GRIK2: variants seen among roughly 807,000 people sequenced by gnomAD.
GRIK2 encodes glutamate receptor ionotropic, kainate 2.
In GRIK2, 32 loss-of-function variants were observed where a neutral mutation model predicts 100.3. That is an observed-to-expected ratio of 0.32 (90% CI 0.24 to 0.43). The LOEUF (loss-of-function observed/expected upper bound fraction) is 0.43, where lower values mean the gene tolerates loss of function less well. Ranked by LOEUF, GRIK2 falls within the 20% of genes least tolerant of loss-of-function variation. GRIK2 has a pLI of 1.00. For missense variants in GRIK2, 843 were observed against 1,114.9 expected, an observed-to-expected ratio of 0.76 and a Z score of 3.47; for synonymous variants, 417 against 389.4, an observed-to-expected ratio of 1.07 and a Z score of -0.83.
intron 11 of GRIK2, among the ~76,000 whole-genome samples, chr6:101,871,727 A>C (rs557427837): frequency 6.9e-4 from 105 of 152,126 alleles, no homozygotes; most frequent in African/African-American, 2.5e-3. Context: ...TTTTATGGCT[A>C]CGTAGAGTTC....
intron 9 of GRIK2, among the ~76,000 whole-genome samples, chr6:101,817,753 C>T (rs1439718904): frequency 1.3e-5 from 2 of 152,128 alleles, no homozygotes; most frequent in Admixed American, 1.3e-4. Flanking sequence ...TTAAATGGAT[C>T]ACAGAAGAAA....
chr6:101,723,379 C>T (rs1305149091), intron 7 of GRIK2, among the ~76,000 whole-genome samples: 1 of 151,924 alleles, frequency 6.6e-6, no homozygotes, highest in African/African-American at 2.4e-5. Flanking sequence ...GACAAGTTTT[C>T]CACTGTAGCA....
chr6:102,024,927 T>C (rs1236013649), intron 14 of GRIK2, among the ~76,000 whole-genome samples: 3 of 148,338 alleles, frequency 2.0e-5, no homozygotes, highest in African/African-American at 7.3e-5. Flanking sequence ...TGTGCCATGA[T>C]ATATATATAT....
intron 7 of GRIK2, among the ~76,000 whole-genome samples, chr6:101,707,117 A>G (rs562280524): frequency 6.6e-4 from 100 of 151,968 alleles, no homozygotes; most frequent in African/African-American, 2.4e-3. Context: ...AAAAGCAACA[A>G]CAAAAACCTT....
intron 4 of GRIK2, among the ~76,000 whole-genome samples, chr6:101,661,342 C>T (rs533653933): frequency 3.7e-4 from 57 of 152,092 alleles, no homozygotes; most frequent in African/African-American, 1.3e-3. Flanking sequence ...GCTCAAGCAT[C>T]CCAGGTTGAC....
At chr6:101,442,924 C>A (rs1446270637) in intron 2 of GRIK2, among the ~76,000 whole-genome samples, 1 of 152,122 alleles carries the variant, frequency 6.6e-6, no homozygotes, top group Non-Finnish European at 1.5e-5. Context: ...ACTGAATCCG[C>A]AAATAAATAA....
chr6:101,458,691 T>C (rs1237450874), intron 2 of GRIK2, among the ~76,000 whole-genome samples: 1 of 152,192 alleles, frequency 6.6e-6, no homozygotes, highest in Admixed American at 6.5e-5. Context: ...TATCTGGTAC[T>C]AGGACGGCAG....
At chr6:101,940,594 G>A (rs1299242485) in intron 14 of GRIK2, among the ~76,000 whole-genome samples, 1 of 152,054 alleles carries the variant, frequency 6.6e-6, no homozygotes, top group Non-Finnish European at 1.5e-5. Context: ...TGCCCCTGCT[G>A]TGTCCTGGAA....
At chr6:101,988,736 TA>T (rs1206805181) in intron 14 of GRIK2, among the ~76,000 whole-genome samples, 3 of 152,014 alleles carry the variant, frequency 2.0e-5, no homozygotes, top group African/African-American at 7.2e-5. Context: ...CCTGATGATC[TA>T]AAGAGAAATT....
At chr6:101,672,742 C>A (rs547394643) in intron 4 of GRIK2, among the ~76,000 whole-genome samples, 3 of 152,166 alleles carry the variant, frequency 2.0e-5, no homozygotes, top group East Asian at 3.9e-4. Flanking sequence ...AAATAATGAA[C>A]TCCAGCTCTG....
chr6:101,949,891 C>T (rs2852601), intron 14 of GRIK2, among the ~76,000 whole-genome samples: 5,052 of 151,924 alleles, frequency 0.033, 298 homozygotes, highest in African/African-American at 0.12. Flanking sequence ...GATTGCTGGG[C>T]CAAATGGTAT....
chr6:101,893,423 T>C lies in GRIK2; in HGVS notation c.1748+3560T>C, dbSNP rs143343552. Among the ~76,000 whole-genome samples the C allele has an allele frequency of 7.6e-3, 1,156 of 151,830 alleles. 17 individuals carry two copies. Among genetic ancestry groups the C allele is most frequent in the African/African-American group, 0.026 (1,091 of 41,562 alleles). ...CTACATAATATTAACTGTTAGGGAA[T>C]TATGTAATACTTAGGAATAAAAACG... is the stretch of plus-strand genomic sequence containing the variant. On this transcript the variant is annotated intron_variant, in intron 12 of 16. Transcript: ENST00000369134.
chr6:101,884,628 A>G (rs893538312), intron 11 of GRIK2, among the ~76,000 whole-genome samples: 1 of 152,132 alleles, frequency 6.6e-6, no homozygotes, highest in Non-Finnish European at 1.5e-5. Flanking sequence ...TTAGTTATGT[A>G]ACTCTGTAAA....
At chr6:101,715,350 T>C (rs1773992349) in intron 7 of GRIK2, among the ~76,000 whole-genome samples, 1 of 151,690 alleles carries the variant, frequency 6.6e-6, no homozygotes, top group African/African-American at 2.4e-5. Flanking sequence ...ATCCCCCACC[T>C]GAACTGAAGC....
intron 7 of GRIK2, among the ~76,000 whole-genome samples, chr6:101,749,811 T>C (rs1453385413): frequency 1.4e-5 from 2 of 142,682 alleles, no homozygotes; most frequent in African/African-American, 2.7e-5. Flanking sequence ...TTCTTTTTTT[T>C]TTTTTTTTTT....
At chr6:101,595,722 A>G (rs201772281) in intron 2 of GRIK2, among the ~76,000 whole-genome samples, 16,783 of 125,038 alleles carry the variant, frequency 0.13, 1,050 homozygotes, top group Admixed American at 0.18. Flanking sequence ...GTGTGTGTAT[A>G]TATATATATA....
At chr6:101,402,263 C>T (rs1775354425) in intron 2 of GRIK2, among the ~76,000 whole-genome samples, 1 of 152,174 alleles carries the variant, frequency 6.6e-6, no homozygotes, top group Non-Finnish European at 1.5e-5. Flanking sequence ...CACACATTCT[C>T]TCACACACAC....
chr6:101,477,820 CCT>C (rs1048419353), intron 2 of GRIK2, among the ~76,000 whole-genome samples: 6 of 152,078 alleles, frequency 3.9e-5, no homozygotes, highest in Non-Finnish European at 8.8e-5. Flanking sequence ...AATTGATTCC[CCT>C]CTTTACTAGT....
chr6:101,938,501 T>TA (rs1790745309), intron 14 of GRIK2, among the ~76,000 whole-genome samples: 1 of 152,108 alleles, frequency 6.6e-6, no homozygotes, highest in African/African-American at 2.4e-5. Flanking sequence ...ACATTGATGG[T>TA]AAATGTCTTA....
Sources: gnomAD v4.1 joint callset for allele counts (sites outside exome capture counted in the v4.1 genomes callset) on GRCh38, gnomAD v4.1.1 for gene constraint, MANE v1.5 for transcripts, NCBI Gene and HGNC (gene_info 2026-07-23, HGNC 2026-07-21) for gene names.